Variants in RAB2A observed in about 807,000 individuals in gnomAD.
The protein encoded by RAB2A is RAB2A, member RAS oncogene family, also known as ras-related protein Rab-2A.
A neutral mutation model predicts 32.5 loss-of-function variants in RAB2A; 7 were observed. That is an observed-to-expected ratio of 0.22 (90% CI 0.12 to 0.40). RAB2A has a LOEUF of 0.40. Ranked by LOEUF, RAB2A falls within the 10% of genes least tolerant of loss-of-function variation. RAB2A has a pLI of 1.00. For missense variants in RAB2A, 108 were observed against 260.7 expected, an observed-to-expected ratio of 0.41 and a Z score of 4.03; for synonymous variants, 79 against 85.2, an observed-to-expected ratio of 0.93 and a Z score of 0.40.
intron 6 of RAB2A, among the ~76,000 whole-genome samples, chr8:60,605,853 A>ATAT (rs201989396): frequency 8.7e-5 from 10 of 115,024 alleles, no homozygotes; most frequent in South Asian, 3.2e-4. Context: ...ATATATATAT[A>ATAT]ATGCTTCATT....
intron 6 of RAB2A, among the ~76,000 whole-genome samples, chr8:60,604,053 T>G (rs1447685566): frequency 6.6e-6 from 1 of 152,174 alleles, no homozygotes; most frequent in South Asian, 2.1e-4. Context: ...CAGTTTCTTA[T>G]GAGTGGTTTA....
At chr8:60,519,291 A>C (rs961936594) in intron 1 of RAB2A, among the ~76,000 whole-genome samples, 2 of 152,176 alleles carry the variant, frequency 1.3e-5, no homozygotes, top group African/African-American at 4.8e-5. Context: ...AGTGAACTCT[A>C]TATTTTAGCC....
intron 6 of RAB2A, 130 bp from the exon 7 acceptor site, chr8:60,618,450 G>T (rs1012970479): frequency 1.5e-5 from 5 of 333,880 alleles, no homozygotes; most frequent in Admixed American, 5.6e-5. Flanking sequence ...TAATATCTTT[G>T]TTCTTTATTA....
At chr8:60,568,510 A>G (rs1732104900) in intron 2 of RAB2A, among the ~76,000 whole-genome samples, 1 of 152,218 alleles carries the variant, frequency 6.6e-6, no homozygotes, top group African/African-American at 2.4e-5. Flanking sequence ...AATCTTAAAA[A>G]AAAATCTCAT....
intron 3 of RAB2A, among the ~76,000 whole-genome samples, chr8:60,575,026 C>T (rs1239616505): frequency 6.7e-6 from 1 of 148,652 alleles, no homozygotes; most frequent in African/African-American, 2.5e-5. Flanking sequence ...TAACTTATTT[C>T]TTTTGGAGGT....
intron 2 of RAB2A, among the ~76,000 whole-genome samples, chr8:60,559,471 G>T (rs187342398): frequency 1.3e-5 from 2 of 152,272 alleles, no homozygotes; most frequent in African/African-American, 4.8e-5. Context: ...ATTTTCCTCA[G>T]TTGTAAAGAG....
rs182920242 is a variant in RAB2A, at chr8:60,572,697, C to T, written c.186+584C>T. On this transcript the variant is annotated intron_variant, in intron 3 of 7. Transcript: ENST00000262646. ...AAAAGTGAAGTTACTGTATTATATA[C>T]ATTGGGTGCCTTAAGGTAGCAATTT... is the stretch of plus-strand genomic sequence containing the variant. Among the ~76,000 whole-genome samples, 171 of 152,258 alleles carry T rather than the reference C, an allele frequency of 1.1e-3. 2 individuals are homozygous for T. Among genetic ancestry groups the T allele is most frequent in the Middle Eastern group, 6.8e-3 (2 of 292 alleles).
At chr8:60,541,083 T>C (rs1370672404) in intron 1 of RAB2A, among the ~76,000 whole-genome samples, 5 of 152,200 alleles carry the variant, frequency 3.3e-5, no homozygotes, top group Admixed American at 3.3e-4. Flanking sequence ...GTCACATTGA[T>C]AGTATGTACC....
At chr8:60,548,391 A>AC (rs1305122603) in intron 1 of RAB2A, among the ~76,000 whole-genome samples, 2 of 35,432 alleles carry the variant, frequency 5.6e-5, no homozygotes, top group Admixed American at 2.1e-4. Context: ...CGGGGGGCTG[A>AC]TCCCCCCACC....
intron 1 of RAB2A, 142 bp downstream of exon 1, chr8:60,517,395 G>A: frequency 7.4e-6 from 6 of 811,098 alleles, no homozygotes; most frequent in Non-Finnish European, 8.8e-6. Flanking sequence ...CCGCAGTGCT[G>A]GAGCTGGTGA....
At chr8:60,605,392 A>G (rs547927939) in intron 6 of RAB2A, among the ~76,000 whole-genome samples, 1 of 152,236 alleles carries the variant, frequency 6.6e-6, no homozygotes, top group African/African-American at 2.4e-5. Flanking sequence ...GGTGCTCCAC[A>G]TAGAGTCCCC....
At chr8:60,550,473 C>T (rs572142625) in intron 1 of RAB2A, among the ~76,000 whole-genome samples, 14 of 150,414 alleles carry the variant, frequency 9.3e-5, no homozygotes, top group African/African-American at 3.2e-4. Context: ...CAACCTCCAC[C>T]TCCCAGGTTC....
chr8:60,585,450 C>T (rs1803832463), intron 5 of RAB2A, among the ~76,000 whole-genome samples: 1 of 152,000 alleles, frequency 6.6e-6, no homozygotes, highest in South Asian at 2.1e-4. Flanking sequence ...GTGGCTGAGA[C>T]TGTAGGCATG....
intron 3 of RAB2A, chr8:60,576,174 G>A: frequency 2.2e-6 from 1 of 455,760 alleles, no homozygotes; most frequent in Non-Finnish European, 4.4e-6. Context: ...CCTTTACTGA[G>A]TTACTTTTCT....
chr8:60,594,361 A>T (rs966084806), intron 6 of RAB2A, among the ~76,000 whole-genome samples: 1 of 152,218 alleles, frequency 6.6e-6, no homozygotes, highest in Admixed American at 6.5e-5. Context: ...AGACAGAAAA[A>T]AAAATCTTGA....
In RAB2A at chr8:60,623,159, A is replaced by G. The variant is rs1232125173; in HGVS notation, c.*2390A>G. On this transcript the variant is annotated 3_prime_UTR_variant, in exon 8 of 8. Transcript: ENST00000262646. ...TGTTACCATTCGTCTTGCAAATTTA[A>G]GACAACTGAATGAAAAGCCAATTTT... The G allele has an allele frequency of 6.6e-6, 1 of 152,250 alleles. No individual in the cohort carries two copies. The highest frequency in any genetic ancestry group is 2.4e-5 in the African/African-American group (1 of 41,468). 9.4% of individuals were successfully genotyped at this position (152,250 alleles called of 1,614,324 possible).
intron 6 of RAB2A, among the ~76,000 whole-genome samples, chr8:60,613,937 G>T (rs969775382): frequency 6.6e-6 from 1 of 152,100 alleles, no homozygotes; most frequent in African/African-American, 2.4e-5. Flanking sequence ...ACTAAAAGTC[G>T]CTTGTTTACA....
intron 1 of RAB2A, among the ~76,000 whole-genome samples, chr8:60,540,235 A>C (rs922315978): frequency 1.3e-5 from 2 of 150,986 alleles, no homozygotes; most frequent in Non-Finnish European, 2.9e-5. Flanking sequence ...CATACGTAGA[A>C]TAGATTAGAA....
chr8:60,605,091 TCAGGACACTACTCCCTGCATCCCAGCCA>T (rs2150434379), intron 6 of RAB2A, among the ~76,000 whole-genome samples: 1 of 152,258 alleles, frequency 6.6e-6, no homozygotes, highest in Non-Finnish European at 1.5e-5. Context: ...CTGCACAGCC[TCAGGACACTACTCCCTGCATCCCAGCCA>T]CTTTAGTTCC....
Sources: gnomAD v4.1 joint callset for allele counts (sites outside exome capture counted in the v4.1 genomes callset) on GRCh38, gnomAD v4.1.1 for gene constraint, MANE v1.5 for transcripts, NCBI Gene and HGNC (gene_info 2026-07-23, HGNC 2026-07-21) for gene names.